Variants in QTGAL observed in about 807,000 individuals in gnomAD.
QTGAL encodes BGnT-like protein 1.
At chr17:82,948,545 C>G in the QTGAL span, 1 of 152,282 alleles carries the variant, frequency 6.6e-6, no homozygotes, top group Non-Finnish European at 1.5e-5. Context: ...GCGATACGCA[C>G]ACACCCCAAA....
the QTGAL span, chr17:82,961,312 G>C: frequency 1.6e-6 from 2 of 1,223,850 alleles, no homozygotes; most frequent in Non-Finnish European, 2.2e-6. Context: ...AAAGAAACCG[G>C]TCTAGAGGCT....
the QTGAL span, among the ~76,000 whole-genome samples, chr17:82,992,132 G>A: frequency 6.6e-6 from 1 of 152,134 alleles, no homozygotes; most frequent in Non-Finnish European, 1.5e-5. Context: ...GATAGGGGTA[G>A]AAAATTTATT....
the QTGAL span, among the ~76,000 whole-genome samples, chr17:82,985,968 G>C: frequency 5.1e-3 from 780 of 152,344 alleles, 10 homozygotes; most frequent in African/African-American, 0.018. Flanking sequence ...GGCTCCTCAG[G>C]AGGGTCCGGG....
chr17:82,961,298 T>C, the QTGAL span: 5 of 1,417,708 alleles, frequency 3.5e-6, no homozygotes, highest in Admixed American at 1.1e-4. Context: ...AAGGCTTTTG[T>C]TGCAAAGAAA....
At chr17:83,035,988 G>A in the QTGAL span, among the ~76,000 whole-genome samples, 3 of 142,764 alleles carry the variant, frequency 2.1e-5, no homozygotes, top group African/African-American at 6.0e-5. Flanking sequence ...TCCTCTTGGC[G>A]TGCATCTCTG....
At chr17:82,958,172 G>A in the QTGAL span, among the ~76,000 whole-genome samples, 4 of 152,200 alleles carry the variant, frequency 2.6e-5, no homozygotes, top group Non-Finnish European at 5.9e-5. Context: ...CCCGGGCTGA[G>A]CCCGTCTCAA....
the QTGAL span, among the ~76,000 whole-genome samples, chr17:82,982,662 T>C: frequency 1.3e-5 from 2 of 152,140 alleles, no homozygotes; most frequent in Non-Finnish European, 2.9e-5. Context: ...TGTTTGTAGT[T>C]TATAAGCCAC....
the QTGAL span, chr17:82,945,441 G>C: frequency 2.0e-4 from 30 of 152,338 alleles, no homozygotes; most frequent in African/African-American, 7.0e-4. Flanking sequence ...GAAGGACAGA[G>C]TGATATAAAC....
chr17:83,020,875 G>C, the QTGAL span, among the ~76,000 whole-genome samples: 1 of 152,114 alleles, frequency 6.6e-6, no homozygotes, highest in Non-Finnish European at 1.5e-5. Flanking sequence ...ATTTAATTTG[G>C]GGAAGACAGA....
At chr17:82,946,924 C>G in the QTGAL span, 2 of 1,568,916 alleles carry the variant, frequency 1.3e-6, no homozygotes, top group East Asian at 4.7e-5. Context: ...GAAGGAAGTC[C>G]TGGCCCTCCT....
chr17:83,044,606 C>A, the QTGAL span, among the ~76,000 whole-genome samples: 135 of 152,318 alleles, frequency 8.9e-4, no homozygotes, highest in African/African-American at 3.2e-3. Context: ...CCACTTTCAC[C>A]ACTTCTATTC....
chr17:82,947,753 A>T, the QTGAL span: 1 of 152,384 alleles, frequency 6.6e-6, no homozygotes, highest in African/African-American at 2.4e-5. Context: ...TACCCCCACC[A>T]CATCAGAATC....
the QTGAL span, among the ~76,000 whole-genome samples, chr17:83,016,192 G>A: frequency 1.3e-5 from 2 of 152,110 alleles, no homozygotes; most frequent in South Asian, 4.2e-4. Context: ...TTAAGTGGAA[G>A]AACAGCAAAG....
the QTGAL span, among the ~76,000 whole-genome samples, chr17:83,043,165 C>T: frequency 6.6e-6 from 1 of 152,232 alleles, no homozygotes; most frequent in East Asian, 1.9e-4. Flanking sequence ...ATACTATAAA[C>T]CAACTAGACT....
At chr17:82,990,830 T>C in the QTGAL span, among the ~76,000 whole-genome samples, 1 of 152,124 alleles carries the variant, frequency 6.6e-6, no homozygotes, top group East Asian at 1.9e-4. Flanking sequence ...GTCTTTATAA[T>C]AAGAGACACC....
chr17:83,046,304 T>TG, the QTGAL span, among the ~76,000 whole-genome samples: 966 of 151,276 alleles, frequency 6.4e-3, 7 homozygotes, highest in Admixed American at 8.3e-3. Flanking sequence ...TAATTTTTTT[T>TG]TGTGGTATTT....
At chr17:83,049,192 G>C in the QTGAL span, 2 of 187,652 alleles carry the variant, frequency 1.1e-5, no homozygotes, top group Non-Finnish European at 2.3e-5. Flanking sequence ...GGCGGAGCTT[G>C]CAGTGAGCTG....
chr17:83,012,334 A>C, the QTGAL span, among the ~76,000 whole-genome samples: 1 of 152,248 alleles, frequency 6.6e-6, no homozygotes, highest in African/African-American at 2.4e-5. Flanking sequence ...AAGAACTGCC[A>C]AAGGCAACTC....
the QTGAL span, chr17:82,961,429 A>C: frequency 3.7e-6 from 2 of 536,712 alleles, no homozygotes; most frequent in East Asian, 3.2e-5. Flanking sequence ...TCTGCCCCAA[A>C]TTCCATTTTG....
Sources: gnomAD v4.1 joint callset for allele counts (sites outside exome capture counted in the v4.1 genomes callset) on GRCh38, gnomAD v4.1.1 for gene constraint, MANE v1.5 for transcripts, NCBI Gene and HGNC (gene_info 2026-07-23, HGNC 2026-07-21) for gene names.